PCDH11X: variants seen among roughly 807,000 people sequenced by gnomAD.
PCDH11X encodes protocadherin 11 X-linked.
PCDH11X carries 18 observed loss-of-function variants against 53.3 expected under a neutral mutation model. The observed-to-expected ratio is 0.34, with a 90% CI of 0.23 to 0.50. The LOEUF (loss-of-function observed/expected upper bound fraction) is 0.50, where lower values mean the gene tolerates loss of function less well. Ranked by LOEUF, PCDH11X falls within the 20% of genes least tolerant of loss-of-function variation. PCDH11X has a pLI of 0.98. For synonymous variants in PCDH11X, 279 were observed against 393.3 expected (o/e 0.71, Z 3.44); for missense variants, 570 against 1,032.4 (o/e 0.55, Z 6.14).
At chrX:92,100,621 C>A (rs113573040) in intron 6 of PCDH11X, among the ~76,000 whole-genome samples, 10,089 of 110,023 alleles carry the variant, frequency 0.092, 1,181 homozygotes, top group African/African-American at 0.31. Context: ...CAGTTACTTC[C>A]GGCCATCTGG....
intron 6 of PCDH11X, among the ~76,000 whole-genome samples, chrX:92,199,663 C>T (rs1267107108): frequency 9.1e-6 from 1 of 109,300 alleles, no homozygotes; most frequent in African/African-American, 3.3e-5. Flanking sequence ...AGTCTTATAA[C>T]TATGTAATTT....
chrX:92,274,125 G>A (rs185862599), intron 8 of PCDH11X, among the ~76,000 whole-genome samples: 1 of 101,313 alleles, frequency 9.9e-6, no homozygotes, highest in Non-Finnish European at 1.9e-5. Flanking sequence ...AATGAGACTG[G>A]GGCCTAATAA....
In PCDH11X at chrX:92,619,366, T is replaced by A. The variant is rs1928319796; in HGVS notation, c.*426T>A. On this transcript the variant is annotated 3_prime_UTR_variant, in exon 11 of 11. Transcript: ENST00000682573. ...TAGTTTACCTAAACTTTTGTTCAGA[T>A]AACGTTAAAAGGTATACGTACTCTA... 5.1e-6 allele frequency: 1 copy of A among 195,035 alleles called. No individual in the cohort carries two copies. The highest frequency in any genetic ancestry group is 9.4e-6 in the Non-Finnish European group (1 of 106,240). 16.1% of individuals were successfully genotyped at this position (195,035 alleles called of 1,213,427 possible).
intron 6 of PCDH11X, among the ~76,000 whole-genome samples, chrX:92,035,525 T>C (rs2063114931): frequency 2.3e-5 from 2 of 86,900 alleles, no homozygotes; most frequent in Admixed American, 2.8e-4. Flanking sequence ...TGGAGCTTTG[T>C]TGTATGTTAT....
intron 6 of PCDH11X, among the ~76,000 whole-genome samples, chrX:92,001,809 C>A (rs1259594944): frequency 9.0e-6 from 1 of 110,968 alleles, no homozygotes; most frequent in Admixed American, 9.7e-5. Flanking sequence ...AATCTCTTGT[C>A]AGATGGGTAG....
chrX:92,402,118 A>G (rs1292665669), intron 9 of PCDH11X, among the ~76,000 whole-genome samples: 12 of 111,207 alleles, frequency 1.1e-4, no homozygotes, highest in Non-Finnish European at 2.1e-4. Context: ...AGGTTCTGTC[A>G]ATAACTCTGT....
Position 92,618,823 on chromosome X carries a change from A to C in PCDH11X, c.3927A>C (p.Glu1309Asp). ...SATSQFYTMS[E>D]RLHPSDDSIK... ...CATCTCAGTTTTACACCATGTCTGA[A>C]AGACTTCATCCCAGTGATGATTCAA... Residue 1309 changes from glutamate to aspartate, a missense_variant, in exon 11 of 11, where the codon GAA becomes GAC. By Grantham distance (45) the Glu-to-Asp change is conservative. This residue lies in a region of PCDH11X where 234 missense variants were observed against 296.1 expected (regional missense o/e 0.79). Transcript: ENST00000682573. The C allele has an allele frequency of 8.3e-7, 1 of 1,211,911 alleles. No homozygotes were observed. Among genetic ancestry groups the C allele is most frequent in the Non-Finnish European group, 1.1e-6 (1 of 895,466 alleles).
intron 10 of PCDH11X, among the ~76,000 whole-genome samples, chrX:92,615,396 G>A (rs4020563): frequency 0.22 from 24,922 of 110,815 alleles, 2,140 homozygotes; most frequent in African/African-American, 0.27. Flanking sequence ...AGCATGCTGG[G>A]GCACCCATTA....
At chrX:92,397,506 C>T (rs1277559211) in intron 9 of PCDH11X, among the ~76,000 whole-genome samples, 1 of 108,735 alleles carries the variant, frequency 9.2e-6, no homozygotes, top group Non-Finnish European at 1.9e-5. Context: ...ATCTCACTGT[C>T]ACCCAGGCTG....
chrX:91,832,236 A>G (rs1937132032), intron 4 of PCDH11X, among the ~76,000 whole-genome samples: 1 of 107,017 alleles, frequency 9.3e-6, no homozygotes, highest in Non-Finnish European at 1.9e-5. Context: ...AAGACTTGGA[A>G]CCAACCCAAA....
chrX:92,029,667 C>A (rs1209407883), intron 6 of PCDH11X, among the ~76,000 whole-genome samples: 1 of 110,168 alleles, frequency 9.1e-6, no homozygotes, highest in Admixed American at 9.8e-5. Flanking sequence ...TTTTAGGAAA[C>A]TTTTTGCAGA....
At chrX:92,202,341 T>C (rs1461490886) in intron 7 of PCDH11X, among the ~76,000 whole-genome samples, 1 of 111,490 alleles carries the variant, frequency 9.0e-6, no homozygotes, top group Non-Finnish European at 1.9e-5. Flanking sequence ...CCTCTTACTG[T>C]ACATGTTTGA....
chrX:92,371,251 A>G (rs1311013120), intron 8 of PCDH11X, among the ~76,000 whole-genome samples: 1 of 104,725 alleles, frequency 9.5e-6, no homozygotes, highest in East Asian at 3.0e-4. Flanking sequence ...TACTATTACC[A>G]CCATATTATA....
chrX:92,223,633 G>A (rs1410519452), intron 7 of PCDH11X, among the ~76,000 whole-genome samples: 1 of 111,735 alleles, frequency 8.9e-6, no homozygotes, highest in Non-Finnish European at 1.9e-5. Context: ...ATAATTTTGG[G>A]TTTGAATACC....
chrX:92,046,620 A>T (rs2063293063), intron 6 of PCDH11X, among the ~76,000 whole-genome samples: 1 of 111,157 alleles, frequency 9.0e-6, no homozygotes, highest in African/African-American at 3.3e-5. Context: ...AAAATAAAAA[A>T]AGCAAGACAG....
chrX:91,964,389 A>G (rs1378844922), intron 6 of PCDH11X, among the ~76,000 whole-genome samples: 2 of 110,979 alleles, frequency 1.8e-5, no homozygotes, highest in African/African-American at 6.6e-5. Flanking sequence ...CAGGTCTATT[A>G]TATAGTTATC....
At chrX:91,816,535 T>C (rs1054610785) in intron 4 of PCDH11X, among the ~76,000 whole-genome samples, 4 of 111,460 alleles carry the variant, frequency 3.6e-5, no homozygotes, top group African/African-American at 1.3e-4. Context: ...AAAACATATA[T>C]GATAATACGA....
chrX:92,543,726 C>A (rs5984988), intron 10 of PCDH11X, among the ~76,000 whole-genome samples: 38,392 of 104,296 alleles, frequency 0.37, 5,469 homozygotes, highest in Non-Finnish European at 0.42. Flanking sequence ...TGCAGTGAGC[C>A]GAGATCGTGC....
chrX:92,182,503 G>T (rs1009597063), intron 6 of PCDH11X, among the ~76,000 whole-genome samples: 4 of 111,316 alleles, frequency 3.6e-5, no homozygotes, highest in Non-Finnish European at 7.5e-5. Flanking sequence ...AAGGGGCCAG[G>T]GGTGGAATGA....
Sources: gnomAD v4.1 joint callset for allele counts (sites outside exome capture counted in the v4.1 genomes callset) on GRCh38, gnomAD v4.1.1 for gene constraint, gnomAD v4.1.1 regional missense constraint, MANE v1.5 for transcripts, NCBI Gene and HGNC (gene_info 2026-07-23, HGNC 2026-07-21) for gene names.